Variants in DTX2 observed in about 807,000 individuals in gnomAD.
DTX2 encodes the protein probable E3 ubiquitin-protein ligase DTX2.
A neutral mutation model predicts 55.3 loss-of-function variants in DTX2; 29 were observed. The ratio of observed to expected loss-of-function variants is 0.52; its 90% CI spans 0.39 to 0.71. DTX2 has a LOEUF of 0.71. Ranked by LOEUF, DTX2 falls within the 30% of genes least tolerant of loss-of-function variation. DTX2 has a pLI of 0.00. For missense variants in DTX2, 537 were observed against 822.5 expected (o/e 0.65, Z 4.25); for synonymous variants, 276 against 340.4 (o/e 0.81, Z 2.08).
Position 76,505,193 on chromosome 7 carries a change from C to G in DTX2, c.1642-181C>G, listed in dbSNP as rs550811814. 4.6e-5 allele frequency among the ~76,000 whole-genome samples: 7 copies of G among 152,162 alleles called. No homozygotes were observed. In the South Asian group the frequency reaches 1.5e-3, roughly 32 times the overall value. On this transcript the variant is annotated intron_variant, in intron 10 of 10. Coordinates refer to ENST00000430490, the MANE Select transcript of DTX2 (RefSeq NM_001102594.3). The surrounding 1 kb of genome is among the most constrained non-coding windows in gnomAD (Gnocchi z 4.4). ...CTGGAGCCCAGGTTCATGTGGGATC[C>G]TAATGTACTATCCAGTGGGCAGTTT...
chr7:76,503,294 C>G, intron 8 of DTX2, 132 bp from the exon 9 acceptor site: 1 of 1,000,282 alleles, frequency 1.0e-6, no homozygotes, highest in Non-Finnish European at 1.4e-6. Context: ...AGTTTCCGGG[C>G]AGGAGGCTGC....
chr7:76,469,514 T>A (rs1807641708), intron 2 of DTX2, among the ~76,000 whole-genome samples: 1 of 150,156 alleles, frequency 6.7e-6, no homozygotes, highest in East Asian at 2.0e-4. Flanking sequence ...TGCCTCAGCC[T>A]CCCGAGTAAC....
intron 2 of DTX2, among the ~76,000 whole-genome samples, chr7:76,473,184 C>A (rs1456929806): frequency 6.6e-6 from 1 of 151,804 alleles, no homozygotes; most frequent in Non-Finnish European, 1.5e-5. Context: ...TAGAACATTT[C>A]TTTGATATGT....
At chr7:76,475,558 G>A (rs1430964860) in intron 2 of DTX2, among the ~76,000 whole-genome samples, 11 of 145,208 alleles carry the variant, frequency 7.6e-5, no homozygotes, top group Admixed American at 2.8e-4. Flanking sequence ...GTAGTGGTGC[G>A]TGCCTGTAAT....
At position 76,483,019 on chromosome 7, in the gene DTX2, G is replaced by A. The variant is rs376375118; in HGVS notation, c.780G>A (p.Arg260=). 3.7e-6 allele frequency: 6 copies of A among 1,613,384 alleles called. No homozygotes were observed. The African/African-American group carries it at 5.3e-5, about 14-fold the overall frequency. The change falls in exon 4 of 11, where the codon AGG becomes AGA. Residue 260 remains arginine, a synonymous_variant. Transcript: ENST00000430490. ...PSLSGARSAP[R]LNTTNAWGAA... ...TCTCCGGGGCCCGGTCTGCGCCCAG[G>A]CTGAACACCACCAACGCCTGGGGCG...
At chr7:76,501,814 G>A (rs57638500) in intron 7 of DTX2, 5,866 of 175,596 alleles carry the variant, frequency 0.033, 202 homozygotes, top group African/African-American at 0.13. Flanking sequence ...GTCATGTCGG[G>A]CCTGTGCTGC....
intron 4 of DTX2, among the ~76,000 whole-genome samples, chr7:76,486,879 T>TGCTGCTGCC (rs1809973304): frequency 2.2e-5 from 3 of 137,126 alleles, no homozygotes; most frequent in South Asian, 4.8e-4. Flanking sequence ...CTGCTGCTGC[T>TGCTGCTGCC]GCTGCTGCCC....
chr7:76,482,677 C>A lies in DTX2; in HGVS notation c.438C>A (p.Ala146=), dbSNP rs1638075. ...VARGNQLVDL[A]PLGYNYTVNY... ...GGGGCAACCAGCTCGTGGACTTGGC[C>A]CCCCTGGGGTACAACTACACTGTCA... The change falls in exon 4 of 11, where the codon GCC becomes GCA. Residue 146 remains alanine (A), a synonymous_variant. Coordinates refer to ENST00000430490, the MANE Select transcript of DTX2 (RefSeq NM_001102594.3). The A allele has an allele frequency of 6.2e-7, 1 of 1,613,246 alleles. No individual in the cohort carries two copies.
At chr7:76,481,479 G>T (rs2462309) in intron 3 of DTX2, among the ~76,000 whole-genome samples, 1 of 152,128 alleles carries the variant, frequency 6.6e-6, no homozygotes, top group Non-Finnish European at 1.5e-5. Flanking sequence ...GAGCCACCGC[G>T]CCTGGACCTG....
chr7:76,492,062 G>C (rs1372552350), intron 4 of DTX2, 91 bp from the exon 5 acceptor site: 2 of 595,934 alleles, frequency 3.4e-6, no homozygotes, highest in Non-Finnish European at 5.1e-6. Flanking sequence ...ACACCTCAGT[G>C]ACTCCCACTT....
intron 4 of DTX2, 84 bp downstream of exon 4, chr7:76,483,231 C>T (rs1718845596): frequency 1.4e-5 from 20 of 1,481,300 alleles, no homozygotes; most frequent in East Asian, 4.7e-5. Context: ...CCTGCAGATG[C>T]GGCTCCTGCC....
chr7:76,465,614 T>C (rs1349768819), intron 2 of DTX2, among the ~76,000 whole-genome samples: 4 of 147,108 alleles, frequency 2.7e-5, no homozygotes, highest in African/African-American at 1.0e-4. Flanking sequence ...GGAGTCTCGC[T>C]CTGTTACCCA....
intron 2 of DTX2, among the ~76,000 whole-genome samples, chr7:76,471,351 C>T (rs1422155714): frequency 6.7e-6 from 1 of 149,388 alleles, no homozygotes; most frequent in Non-Finnish European, 1.5e-5. Context: ...TTAGTAGAGA[C>T]AGGGTTTCAC....
rs1407180487 is a variant in DTX2 at position 76,483,440 on chromosome 7, C to T, written c.908+293C>T. 5.9e-5 allele frequency among the ~76,000 whole-genome samples: 9 copies of T among 152,376 alleles called. No homozygotes were observed. The East Asian group carries it at 9.6e-4, about 16-fold the overall frequency. On this transcript the variant is annotated intron_variant, in intron 4 of 10. Coordinates refer to ENST00000430490, the MANE Select transcript of DTX2 (RefSeq NM_001102594.3). Reference sequence around the variant, plus strand: ...GTTAAAGGCCTGTGGCCTCTGCTTGCGGGCTGCATGGCGAGCATTGTGCCC... The same window carrying T: ...GTTAAAGGCCTGTGGCCTCTGCTTGTGGGCTGCATGGCGAGCATTGTGCCC...
chr7:76,480,163 G>T lies in DTX2; in HGVS notation c.-89-258G>T, dbSNP rs953069079. ...CTACAAAAAGTAAAAAAATGAGCTG[G>T]GTGTGGTGGTGAATGCCTATTGTCC... is the stretch of plus-strand genomic sequence containing the variant. On this transcript the variant is annotated intron_variant, in intron 2 of 10. Coordinates refer to ENST00000430490, the MANE Select transcript of DTX2 (RefSeq NM_001102594.3). 5.6e-4 allele frequency among the ~76,000 whole-genome samples: 79 copies of T among 140,086 alleles called. 1 individual carries two copies. The highest frequency in any genetic ancestry group is 1.9e-3 in the African/African-American group (70 of 35,936). The allele number at this position is 140,086 out of a possible 152,430, so 91.9% of individuals were successfully genotyped here. A position where few individuals can be genotyped will look rare whatever the true frequency, so the allele number is the denominator to read the frequency against.
At chr7:76,483,639 G>A (rs1019063080) in intron 4 of DTX2, among the ~76,000 whole-genome samples, 2 of 149,690 alleles carry the variant, frequency 1.3e-5, no homozygotes, top group Non-Finnish European at 3.0e-5. Flanking sequence ...CAGGTGGCAT[G>A]GGTGACCTGG....
rs2530607 is a variant in DTX2 at position 76,488,171 on chromosome 7, T to C, written c.909-3982T>C. Among the ~76,000 whole-genome samples the C allele has an allele frequency of 1.1e-3, 90 of 80,244 alleles. 3 individuals are homozygous for C. The highest frequency in any genetic ancestry group is 0.016 in the Middle Eastern group (2 of 124). 52.6% of individuals were successfully genotyped at this position (80,244 alleles called of 152,430 possible). A position where few individuals can be genotyped will look rare whatever the true frequency, so the allele number is the denominator to read the frequency against. On this transcript the variant is annotated intron_variant, in intron 4 of 10. Transcript: ENST00000430490. ...GAACATTCTCCTGGTTCCTGCTCTCTATTCGCAGGGTGAGCGCCCACTGGA... is the reference window on the plus strand; with the variant it reads ...GAACATTCTCCTGGTTCCTGCTCTCCATTCGCAGGGTGAGCGCCCACTGGA...
At chr7:76,491,320 A>G (rs1367357167) in intron 4 of DTX2, among the ~76,000 whole-genome samples, 1 of 123,898 alleles carries the variant, frequency 8.1e-6, no homozygotes, top group Admixed American at 8.6e-5. Flanking sequence ...TTTGAGACGG[A>G]GTCTTGCTCT....
chr7:76,478,892 C>T (rs1425810726), intron 2 of DTX2: 1 of 133,616 alleles, frequency 7.5e-6, no homozygotes, highest in Non-Finnish European at 1.6e-5. Context: ...CATTTGCAGG[C>T]CTCTTCTTAT....
Sources: gnomAD v4.1 joint callset for allele counts (sites outside exome capture counted in the v4.1 genomes callset) on GRCh38, gnomAD v4.1.1 for gene constraint, Gnocchi (gnomAD v3.1) non-coding constraint, MANE v1.5 for transcripts, NCBI Gene and HGNC (gene_info 2026-07-23, HGNC 2026-07-21) for gene names.